The following PCNX1 variants were observed in gnomAD, a reference collection of about 807,000 sequenced individuals.
PCNX1 encodes the protein pecanex-like protein 1.
A neutral mutation model predicts 242.2 loss-of-function variants in PCNX1; 78 were observed. The ratio of observed to expected loss-of-function variants is 0.32; its 90% CI spans 0.27 to 0.39. The LOEUF (loss-of-function observed/expected upper bound fraction) is 0.39. PCNX1 is among the 10% of genes least tolerant of loss of function. PCNX1 has a pLI of 1.00. For missense variants in PCNX1, 2,581 were observed against 2,856.5 expected (o/e 0.90, Z 2.20); for synonymous variants, 1,024 against 1,032.9 (o/e 0.99, Z 0.17).
chr14:71,040,233 A>T (rs535417504), intron 19 of PCNX1, among the ~76,000 whole-genome samples: 117 of 152,270 alleles, frequency 7.7e-4, no homozygotes, highest in African/African-American at 2.6e-3. Context: ...TGGTATTGAA[A>T]GATACTTCAT....
At chr14:71,012,818 C>CAAA (rs10557318) in intron 10 of PCNX1, 167 bp from the exon 11 acceptor site, 851 of 453,014 alleles carry the variant, frequency 1.9e-3, no homozygotes, top group Middle Eastern at 2.9e-3. Context: ...GACTCTGTCT[C>CAAA]AAAAAAAAAA....
Position 70,977,177 on chromosome 14 carries a change from G to A in PCNX1, c.840G>A (p.Pro280=), listed in dbSNP as rs568120217. The A allele has an allele frequency of 1.9e-5, 31 of 1,614,142 alleles. No homozygotes were observed. The highest frequency in any genetic ancestry group is 2.2e-5 in the East Asian group (1 of 44,880). ...ACTCTTATAGAAAAGACCACCGGCC[G>A]CGAGGTGTACCACGGACTTCTAGCT... ...HSHSYRKDHR[P]RGVPRTSSSA... Residue 280 remains proline (P), a synonymous_variant, in exon 6 of 36, where the codon CCG becomes CCA. Coordinates refer to ENST00000304743, the MANE Select transcript of PCNX1 (RefSeq NM_014982.3).
At chr14:71,079,763 G>A (rs1566783811) in intron 28 of PCNX1, among the ~76,000 whole-genome samples, 2 of 151,794 alleles carry the variant, frequency 1.3e-5, no homozygotes, top group Admixed American at 6.6e-5. Context: ...TGTAGATTCT[G>A]GATATTAGCC....
chr14:71,005,650 A>G (rs1008178429), intron 8 of PCNX1, among the ~76,000 whole-genome samples: 1 of 152,134 alleles, frequency 6.6e-6, no homozygotes, highest in African/African-American at 2.4e-5. Flanking sequence ...TTCATTTCCC[A>G]TGTCTTTTAT....
chr14:71,031,840 G>A (rs1305330827), intron 16 of PCNX1: 11 of 1,488,562 alleles, frequency 7.4e-6, no homozygotes, highest in South Asian at 6.8e-5. Context: ...GGCATCGTCT[G>A]GCTTCAGGTA....
intron 30 of PCNX1, among the ~76,000 whole-genome samples, chr14:71,094,114 A>T (rs1448172108): frequency 1.3e-5 from 2 of 152,130 alleles, no homozygotes; most frequent in African/African-American, 2.4e-5. Context: ...CTACATAAAG[A>T]CTTAAACACA....
chr14:70,926,011 T>G (rs2056578049), intron 1 of PCNX1, among the ~76,000 whole-genome samples: 1 of 152,192 alleles, frequency 6.6e-6, no homozygotes, highest in Non-Finnish European at 1.5e-5. Flanking sequence ...TTCAGTGTAT[T>G]CCGGGATCCA....
At chr14:71,050,944 G>A (rs1284125968) in intron 23 of PCNX1, among the ~76,000 whole-genome samples, 184 bp downstream of exon 23, 1 of 151,980 alleles carries the variant, frequency 6.6e-6, no homozygotes. Flanking sequence ...CGAGGCGGGC[G>A]GATCACCTGA....
At position 71,064,377 on chromosome 14, in the gene PCNX1, TTAATTCA is replaced by T. The variant is rs1275971725; in HGVS notation, c.4852+6654_4852+6660del. Reference sequence around the variant, plus strand: ...AATGGTAGAGTAAAAACATTCTGCTTTAATTCAGGTATCCCATTCTCCTTATTCTGCT... The same window carrying T: ...AATGGTAGAGTAAAAACATTCTGCTTGGTATCCCATTCTCCTTATTCTGCT... On this transcript the variant is annotated intron_variant, in intron 26 of 35. Coordinates refer to ENST00000304743, the MANE Select transcript of PCNX1 (RefSeq NM_014982.3). Among the ~76,000 whole-genome samples, 5 of 152,260 alleles carry T rather than the reference TTAATTCA, an allele frequency of 3.3e-5. No homozygotes were observed. In the East Asian group the frequency reaches 9.6e-4, roughly 29 times the overall value.
At chr14:71,082,911 C>T (rs894096741) in intron 28 of PCNX1, among the ~76,000 whole-genome samples, 2 of 152,058 alleles carry the variant, frequency 1.3e-5, no homozygotes, top group African/African-American at 4.8e-5. Flanking sequence ...GGTTATTTTG[C>T]CCATTAGTTG....
intron 26 of PCNX1, among the ~76,000 whole-genome samples, chr14:71,065,262 A>G (rs2061419097): frequency 6.6e-6 from 1 of 152,184 alleles, no homozygotes; most frequent in African/African-American, 2.4e-5. Context: ...TGATTTCTTC[A>G]CATCCTCTCC....
chr14:70,923,722 G>A (rs2056467955), intron 1 of PCNX1, among the ~76,000 whole-genome samples: 1 of 152,104 alleles, frequency 6.6e-6, no homozygotes, highest in Non-Finnish European at 1.5e-5. Flanking sequence ...GGCTTCTTGA[G>A]TTGTTTTAAT....
intron 26 of PCNX1, among the ~76,000 whole-genome samples, chr14:71,068,602 G>GTGTGTGTA (rs1434849976): frequency 8.3e-4 from 120 of 143,974 alleles, no homozygotes; most frequent in African/African-American, 2.9e-3. Flanking sequence ...GTGTGTGTGT[G>GTGTGTGTA]TGTGTGTGTG....
chr14:70,960,941 A>G (rs950301142), intron 2 of PCNX1, among the ~76,000 whole-genome samples: 1 of 152,224 alleles, frequency 6.6e-6, no homozygotes, highest in Non-Finnish European at 1.5e-5. Context: ...TAAAATACCT[A>G]GGAATCCAAC....
Position 71,023,242 on chromosome 14 carries a change from T to C in PCNX1, c.3183+10T>C. ...TTCTTCTCCCAGACATGTAAGTCAC[T>C]CTTAATATGGCTGTACATTATAGGT... On this transcript the variant is annotated intron_variant, in intron 13 of 35. Coordinates refer to ENST00000304743, the MANE Select transcript of PCNX1 (RefSeq NM_014982.3). 1 of 1,573,974 alleles carries C rather than the reference T, an allele frequency of 6.4e-7. No individual in the cohort carries two copies. The highest frequency in any genetic ancestry group is 8.7e-7 in the Non-Finnish European group (1 of 1,143,880).
At chr14:71,031,888 T>C (rs2060396489) in intron 16 of PCNX1, 2 of 1,455,976 alleles carry the variant, frequency 1.4e-6, no homozygotes, top group East Asian at 4.5e-5. Context: ...ACGAGCAGAT[T>C]TTCCAGCAGC....
At position 71,004,331 on chromosome 14, in the gene PCNX1, G is replaced by A. The variant is rs74459050; in HGVS notation, c.2630-5303G>A. On this transcript the variant is annotated intron_variant, in intron 8 of 35. Transcript: ENST00000304743. ...AGGCCATGGACTGGCATGGATCTGC[G>A]GCCTGTTAGGAACAGGGCTGCACAG... 2.9e-3 allele frequency among the ~76,000 whole-genome samples: 436 copies of A among 152,298 alleles called. 4 individuals are homozygous for A. In the East Asian group the frequency reaches 0.034, roughly 12 times the overall value.
At chr14:70,989,026 A>T (rs1341860374) in intron 7 of PCNX1, among the ~76,000 whole-genome samples, 1 of 151,906 alleles carries the variant, frequency 6.6e-6, no homozygotes, top group Non-Finnish European at 1.5e-5. Flanking sequence ...TAATCATGCA[A>T]TATTTTCCCC....
chr14:71,036,024 A>T, intron 18 of PCNX1, 41 bp from the exon 19 acceptor site: 2 of 1,344,036 alleles, frequency 1.5e-6, no homozygotes, highest in Non-Finnish European at 2.1e-6. Context: ...ATTTTTAAAA[A>T]TTTTATGTAA....
Sources: allele counts gnomAD v4.1 joint callset (sites outside exome capture counted in the v4.1 genomes callset), GRCh38; gene constraint gnomAD v4.1.1; transcripts MANE v1.5; gene names NCBI Gene and HGNC (gene_info 2026-07-23, HGNC 2026-07-21).